The following HOOK2 variants were observed in gnomAD, a reference collection of about 807,000 sequenced individuals.
HOOK2 encodes hook microtubule tethering protein 2.
Under a neutral mutation model 111.9 loss-of-function variants are expected in HOOK2, and 108 were observed. The ratio of observed to expected loss-of-function variants is 0.96; its 90% CI spans 0.83 to 1.13. The LOEUF (loss-of-function observed/expected upper bound fraction) is 1.13. HOOK2 is among the 50% of genes most tolerant of loss of function. HOOK2 has a pLI of 0.00. For synonymous variants in HOOK2, 405 were observed against 394.3 expected (o/e 1.03, Z -0.32); for missense variants, 978 against 951.3 (o/e 1.03, Z -0.37).
rs914321809 is a variant in HOOK2 at position 12,791,185 on chromosome 19, C to T, written n.42-16960G>A. On this transcript the variant is annotated intron_variant and non_coding_transcript_variant, in intron 3 of 3. Coordinates refer to the HOOK2 transcript ENST00000589765. This position sits in a 1 kb window ranked among gnomAD's most constrained non-coding sequence, Gnocchi z 7.0. ...GTCCTGGTATTTGTCCCAGTGGACT[C>T]CAGGGAAATCATCCTCCTCCCTGAA... Among the ~76,000 whole-genome samples, 1 of 152,188 alleles carries T rather than the reference C, an allele frequency of 6.6e-6. No individual in the cohort carries two copies. The highest frequency in any genetic ancestry group is 2.4e-5 in the African/African-American group (1 of 41,434).
At chr19:12,766,423 G>A in intron 14 of HOOK2, 183 bp from the exon 15 acceptor site, 1 of 703,000 alleles carries the variant, frequency 1.4e-6, no homozygotes, top group Non-Finnish European at 2.2e-6. Flanking sequence ...AAAGTGGACG[G>A]AGCTCTAAGC....
chr19:12,764,306 G>T (rs116968232), intron 20 of HOOK2: 1 of 154,330 alleles, frequency 6.5e-6, no homozygotes, highest in Non-Finnish European at 1.4e-5. Flanking sequence ...GAGCCACTGC[G>T]CCTGGCTGTG....
chr19:12,782,910 C>G (rs928155750), upstream of HOOK2, among the ~76,000 whole-genome samples: 6 of 150,432 alleles, frequency 4.0e-5, no homozygotes, highest in East Asian at 2.0e-4. Flanking sequence ...GCCATGGGAA[C>G]CAGAGCTTCC....
Position 12,786,631 on chromosome 19 carries a change from G to A in HOOK2, n.42-12406C>T, listed in dbSNP as rs1456148041. ...GTTCTCCCACCCTCCTCGTGGGGCC[G>A]GCCTGGCGCCAGTGGGGCGGCTTGA... On this transcript the variant is annotated intron_variant and non_coding_transcript_variant, in intron 3 of 3. Transcript: ENST00000589765. This position sits in a 1 kb window ranked among gnomAD's most constrained non-coding sequence, Gnocchi z 4.3. Among the ~76,000 whole-genome samples, 4 of 152,176 alleles carry A rather than the reference G, an allele frequency of 2.6e-5. No homozygotes were observed. Among genetic ancestry groups the A allele is most frequent in the East Asian group, 1.9e-4 (1 of 5,180 alleles).
rs1291536480 is a variant in HOOK2, at chr19:12,766,115, T to C, written c.1499A>G (p.Glu500Gly). ...CCCAGGCGCTCACCGGTGCTGCGTCTCCAACCCGTGGCGCGCGCGGTTGGC... is the reference window on the plus strand; with the variant it reads ...CCCAGGCGCTCACCGGTGCTGCGTCCCCAACCCGTGGCGCGCGCGGTTGGC... Reference protein sequence around the residue: ...EDANRARHGLETQHRLNQQQL... With the variant: ...EDANRARHGLGTQHRLNQQQL... Residue 500 changes from glutamate to glycine, a missense_variant, in exon 15 of 23, where the codon GAG (glutamate) becomes GGG (glycine). By Grantham distance (98) the Glu-to-Gly change is moderately conservative. Coordinates refer to ENST00000397668, the MANE Select transcript of HOOK2 (RefSeq NM_013312.3). The C allele has an allele frequency of 1.2e-6, 2 of 1,602,522 alleles. No homozygotes were observed. The highest frequency in any genetic ancestry group is 1.7e-6 in the Non-Finnish European group (2 of 1,178,768).
At chr19:12,780,562 T>C (rs375370593), upstream of HOOK2, among the ~76,000 whole-genome samples, 3 of 149,696 alleles carry the variant, frequency 2.0e-5, no homozygotes, top group South Asian at 4.2e-4. Flanking sequence ...TTCACCGTGT[T>C]AGCCAGGATG....
chr19:12,779,334 A>G (rs10417587), upstream of HOOK2, among the ~76,000 whole-genome samples: 9,948 of 152,038 alleles, frequency 0.065, 572 homozygotes, highest in African/African-American at 0.15. Flanking sequence ...CAGTCCCACA[A>G]CTGGAGAACA....
chr19:12,779,835 C>T (rs963277453), upstream of HOOK2, among the ~76,000 whole-genome samples: 1 of 152,104 alleles, frequency 6.6e-6, no homozygotes, highest in Non-Finnish European at 1.5e-5. Flanking sequence ...ACATCCTTGT[C>T]GGTAACATCC....
rs779903724 is a variant in HOOK2, at chr19:12,772,217, T to C, written c.492A>G (p.Pro164=). The C allele has an allele frequency of 6.2e-6, 10 of 1,614,058 alleles. No individual in the cohort carries two copies. Among genetic ancestry groups the C allele is most frequent in the Non-Finnish European group, 8.5e-6 (10 of 1,179,868 alleles). ...GGCTGTCAAAGTTGCCATACGTCTCTGGTGACAGGGAGTCAGGAGTGTCTT... is the reference window on the plus strand; with the variant it reads ...GGCTGTCAAAGTTGCCATACGTCTCCGGTGACAGGGAGTCAGGAGTGTCTT... ...MTKDTPDSLS[P]ETYGNFDSQS... The change falls in exon 7 of 23, where the codon CCA becomes CCG. Residue 164 remains proline, a synonymous_variant. Coordinates refer to ENST00000397668, the MANE Select transcript of HOOK2 (RefSeq NM_013312.3).
chr19:12,766,450 G>T, intron 14 of HOOK2: 3 of 565,268 alleles, frequency 5.3e-6, no homozygotes, highest in Non-Finnish European at 6.0e-6. Context: ...AGTGGGTGGG[G>T]CTAGGCAGGG....
rs140264256 is a variant in HOOK2 at position 12,788,105 on chromosome 19, T to C, written n.42-13880A>G. Among the ~76,000 whole-genome samples, 278 of 152,238 alleles carry C rather than the reference T, an allele frequency of 1.8e-3. 6 individuals carry two copies. The highest frequency in any genetic ancestry group is 0.017 in the Admixed American group (261 of 15,292). On this transcript the variant is annotated intron_variant and non_coding_transcript_variant, in intron 3 of 3. Coordinates refer to the HOOK2 transcript ENST00000589765. ...ACAAAACACCAAAAAAAGAGGCCCT[T>C]CATGAGACGGCCTGCAGCTGGTACT...
At chr19:12,787,881 C>G (rs1968672173) in intron 3 of HOOK2, among the ~76,000 whole-genome samples, 1 of 151,886 alleles carries the variant, frequency 6.6e-6, no homozygotes, top group African/African-American at 2.4e-5. Flanking sequence ...ATGGTGAAAC[C>G]CCGTCTGTAC....
chr19:12,764,873 C>T lies in HOOK2; in HGVS notation c.1768G>A (p.Asp590Asn). 1 of 1,614,168 alleles carries T rather than the reference C, an allele frequency of 6.2e-7. No homozygotes were observed. Among genetic ancestry groups the T allele is most frequent in the Non-Finnish European group, 8.5e-7 (1 of 1,180,040 alleles). The change falls in exon 20 of 23, where the codon GAC becomes AAC. Residue 590 changes from aspartate (D) to asparagine (N), a missense_variant. Transcript: ENST00000397668. The stretch of plus-strand genomic sequence containing the variant: ...TCCTCCATGGCCCGCAAGTCCGCGT[C>T]CTTCTTCTGCAAGTTATGCTGCAGC... Reference protein sequence around the residue: ...EELQHNLQKKDADLRAMEERY... With the variant: ...EELQHNLQKKNADLRAMEERY...
At chr19:12,781,421 G>T (rs1968600454), upstream of HOOK2, among the ~76,000 whole-genome samples, 1 of 150,774 alleles carries the variant, frequency 6.6e-6, no homozygotes, top group Admixed American at 6.6e-5. Flanking sequence ...CCGCCTCCCG[G>T]GTTCACGCCA....
rs765504762 is a variant in HOOK2, at chr19:12,764,828, C to G, written c.1813G>C (p.Asp605His). 6.2e-7 allele frequency: 1 copy of G among 1,613,804 alleles called. No homozygotes were observed. Among genetic ancestry groups the G allele is most frequent in the Non-Finnish European group, 8.5e-7 (1 of 1,179,974 alleles). Residue 605 changes from aspartate (D) to histidine (H), a missense_variant, in exon 20 of 23, where the codon GAC becomes CAC. Around this residue, in one of 5 missense-constraint regions of HOOK2, gnomAD observed 277 missense variants for 265.8 expected, o/e 1.04. Coordinates refer to ENST00000397668, the MANE Select transcript of HOOK2 (RefSeq NM_013312.3). Reference protein sequence around the residue: ...AMEERYRRYVDKARMVMQTME... With the variant: ...AMEERYRRYVHKARMVMQTME... ...AGCGTCCTCACCATGCGGGCCTTGT[C>G]CACGTAGCGGCGGTATCGCTCCTCC... is the stretch of plus-strand genomic sequence containing the variant.
At chr19:12,776,017 A>G (rs1029544806), upstream of HOOK2, among the ~76,000 whole-genome samples, 2 of 147,810 alleles carry the variant, frequency 1.4e-5, no homozygotes, top group African/African-American at 5.0e-5. Flanking sequence ...AGCTGGGACT[A>G]CAGGCGCCCG....
At position 12,791,148 on chromosome 19, in the gene HOOK2, G is replaced by A. The variant is rs1968707865; in HGVS notation, n.42-16923C>T. On this transcript the variant is annotated intron_variant and non_coding_transcript_variant, in intron 3 of 3. Transcript: ENST00000589765. This position sits in a 1 kb window ranked among gnomAD's most constrained non-coding sequence, Gnocchi z 7.0. ...ACATACTGGGACCCTCACCCCACTT[G>A]CTGCGTACCAGGTCCTGGTATTTGT... Among the ~76,000 whole-genome samples, 1 of 152,162 alleles carries A rather than the reference G, an allele frequency of 6.6e-6. No individual in the cohort carries two copies. The highest frequency in any genetic ancestry group is 2.4e-5 in the African/African-American group (1 of 41,426).
At chr19:12,771,532 G>T in intron 7 of HOOK2, 55 bp from the exon 8 acceptor site, 3 of 1,477,468 alleles carry the variant, frequency 2.0e-6, no homozygotes, top group Non-Finnish European at 2.8e-6. Context: ...GACGGGGGGA[G>T]GGAGGCTGAG....
intron 7 of HOOK2, chr19:12,771,901 AAAAAG>A (rs1490147027): frequency 3.8e-5 from 15 of 398,884 alleles, no homozygotes; most frequent in Non-Finnish European, 5.4e-5. Flanking sequence ...AAAAAAAAAG[AAAAAG>A]AAAAGAAAAG....
Sources: gnomAD v4.1 joint callset for allele counts (sites outside exome capture counted in the v4.1 genomes callset) on GRCh38, gnomAD v4.1.1 for gene constraint, gnomAD v4.1.1 regional missense constraint, Gnocchi (gnomAD v3.1) non-coding constraint, MANE v1.5 for transcripts, NCBI Gene and HGNC (gene_info 2026-07-23, HGNC 2026-07-21) for gene names.